The following DHRSX variants were observed in gnomAD, a reference collection of about 807,000 sequenced individuals.
The protein encoded by DHRSX is dehydrogenase/reductase X-linked.
In DHRSX, 31 loss-of-function variants were observed where a neutral mutation model predicts 34.0. The observed-to-expected ratio is 0.91, with a 90% CI of 0.69 to 1.23. DHRSX has a LOEUF of 1.23. Among genes scored for constraint, DHRSX ranks in the 50% most tolerant of loss-of-function variants. DHRSX has a pLI of 0.00. For missense variants in DHRSX, 414 were observed against 428.1 expected (o/e 0.97, Z 0.29); for synonymous variants, 201 against 183.8 (o/e 1.09, Z -0.76).
At chrX:2,438,540 T>G (rs1405528047) in intron 1 of DHRSX, among the ~76,000 whole-genome samples, 2 of 151,584 alleles carry the variant, frequency 1.3e-5, no homozygotes, top group Admixed American at 1.3e-4. Flanking sequence ...GCGAGATGGC[T>G]GGCGCCTGTA....
Position 2,393,980 on chromosome X carries a change from C to T in DHRSX, c.286+14765G>A, listed in dbSNP as rs778912346. ...AGGGACCATTCGGGGTTCAGGGACGCGTGTCCATGGTAGGATCCCTGGCAA... is the reference window on the plus strand; with the variant it reads ...AGGGACCATTCGGGGTTCAGGGACGTGTGTCCATGGTAGGATCCCTGGCAA... On this transcript the variant is annotated intron_variant, in intron 3 of 6. Transcript: ENST00000334651. 3.9e-5 allele frequency among the ~76,000 whole-genome samples: 6 copies of T among 152,348 alleles called. No individual in the cohort carries two copies. In the South Asian group the frequency reaches 1.0e-3, roughly 26 times the overall value.
In DHRSX at chrX:2,253,710, G is replaced by A. The variant is rs891072177; in HGVS notation, c.597-10480C>T. Among the ~76,000 whole-genome samples, 37 of 152,320 alleles carry A rather than the reference G, an allele frequency of 2.4e-4. 2 individuals are homozygous for A. Among genetic ancestry groups the A allele is most frequent in the Admixed American group, 1.4e-3 (21 of 15,300 alleles). ...GTATTTGAGTTCTCCATTTTTTGCT[G>A]ATTAAAGCATTACTCTCTTCTTGTT... On this transcript the variant is annotated intron_variant, in intron 5 of 6. Coordinates refer to ENST00000334651, the MANE Select transcript of DHRSX (RefSeq NM_145177.3).
chrX:2,252,946 G>C (rs1003632163), intron 5 of DHRSX, among the ~76,000 whole-genome samples: 5 of 151,688 alleles, frequency 3.3e-5, no homozygotes, highest in African/African-American at 1.2e-4. Flanking sequence ...GCACTTAGGG[G>C]ACACTAAGGC....
At chrX:2,268,052 A>G (rs1423550855) in intron 4 of DHRSX, among the ~76,000 whole-genome samples, 2 of 152,176 alleles carry the variant, frequency 1.3e-5, no homozygotes, top group African/African-American at 4.8e-5. Flanking sequence ...CAGTATAAAC[A>G]TGGCCTGTCC....
intron 2 of DHRSX, among the ~76,000 whole-genome samples, chrX:2,417,323 A>C (rs1047722032): frequency 2.6e-5 from 4 of 152,202 alleles, no homozygotes; most frequent in African/African-American, 9.6e-5. Context: ...GTGCCTACAA[A>C]GTCCTCAGTC....
intron 1 of DHRSX, among the ~76,000 whole-genome samples, chrX:2,481,692 A>C (rs1375604617): frequency 1.3e-5 from 2 of 151,992 alleles, no homozygotes; most frequent in Admixed American, 1.3e-4. Context: ...TCCACACTGC[A>C]GCATGGACCA....
intron 3 of DHRSX, among the ~76,000 whole-genome samples, chrX:2,340,730 A>G (rs753716519): frequency 6.6e-6 from 1 of 152,230 alleles, no homozygotes; most frequent in East Asian, 1.9e-4. Context: ...GATGCTTTCA[A>G]TGGTTCGTGT....
rs758096772 is a variant in DHRSX, at chrX:2,299,565, C to A, written c.287-7962G>T. Among the ~76,000 whole-genome samples, 4 of 152,096 alleles carry A rather than the reference C, an allele frequency of 2.6e-5. No homozygotes were observed. In the South Asian group the frequency reaches 8.3e-4, roughly 32 times the overall value. Reference sequence around the variant, plus strand: ...TAAACCCTGAGACTCAAGAAGATAACCTCATCTGGCCGGGTGTGGTGGCTC... The same window carrying A: ...TAAACCCTGAGACTCAAGAAGATAAACTCATCTGGCCGGGTGTGGTGGCTC... On this transcript the variant is annotated intron_variant, in intron 3 of 6. Transcript: ENST00000334651.
At chrX:2,402,887 T>C (rs1327630157) in intron 3 of DHRSX, among the ~76,000 whole-genome samples, 2 of 135,286 alleles carry the variant, frequency 1.5e-5, no homozygotes, top group Non-Finnish European at 3.1e-5. Flanking sequence ...TGGTTTCTTT[T>C]TTTTTTTTTT....
At chrX:2,356,640 C>G (rs1289247898) in intron 3 of DHRSX, among the ~76,000 whole-genome samples, 1 of 152,184 alleles carries the variant, frequency 6.6e-6, no homozygotes, top group Non-Finnish European at 1.5e-5. Flanking sequence ...TCTTCTGCCT[C>G]TGCCACCCCT....
chrX:2,225,307 C>T (rs1187024350), intron 6 of DHRSX, among the ~76,000 whole-genome samples: 1 of 147,676 alleles, frequency 6.8e-6, no homozygotes. Context: ...CACACATTCA[C>T]ATGCACACAT....
At chrX:2,445,819 G>A (rs1353436200) in intron 1 of DHRSX, among the ~76,000 whole-genome samples, 5 of 152,070 alleles carry the variant, frequency 3.3e-5, no homozygotes, top group Non-Finnish European at 5.9e-5. Context: ...ATGTGGCCAA[G>A]GGACTGCCAC....
At chrX:2,483,792 A>T (rs1478487876) in intron 1 of DHRSX, among the ~76,000 whole-genome samples, 1 of 67,492 alleles carries the variant, frequency 1.5e-5, no homozygotes, top group Non-Finnish European at 3.0e-5. Flanking sequence ...AAAGTGGCAA[A>T]AAAAAAAAAA....
intron 6 of DHRSX, among the ~76,000 whole-genome samples, chrX:2,240,802 C>T (rs2016123602): frequency 6.6e-6 from 1 of 152,154 alleles, no homozygotes; most frequent in African/African-American, 2.4e-5. Flanking sequence ...GTTTTGTAAA[C>T]AAATTATTAA....
intron 1 of DHRSX, among the ~76,000 whole-genome samples, chrX:2,448,419 TTAA>T (rs1168163450): frequency 6.6e-6 from 1 of 152,122 alleles, no homozygotes; most frequent in African/African-American, 2.4e-5. Flanking sequence ...GTGATCATAG[TTAA>T]TAATACATCG....
At chrX:2,474,423 C>T (rs765949978) in intron 1 of DHRSX, among the ~76,000 whole-genome samples, 3 of 150,668 alleles carry the variant, frequency 2.0e-5, no homozygotes, top group South Asian at 2.1e-4. Context: ...GCTAAGGGAC[C>T]GCCCCCATGT....
intron 3 of DHRSX, among the ~76,000 whole-genome samples, chrX:2,337,510 A>AG (rs1409834661): frequency 6.6e-6 from 1 of 152,092 alleles, no homozygotes. Context: ...TGAAGGAGAG[A>AG]GCTGAACTTC....
At chrX:2,399,413 A>T (rs1417088375) in intron 3 of DHRSX, among the ~76,000 whole-genome samples, 1 of 151,810 alleles carries the variant, frequency 6.6e-6, no homozygotes, top group East Asian at 1.9e-4. Flanking sequence ...GTTTAAAAAA[A>T]AAAAAAACAC....
chrX:2,242,199 A>C (rs2016156503), intron 6 of DHRSX, among the ~76,000 whole-genome samples: 1 of 151,938 alleles, frequency 6.6e-6, no homozygotes, highest in South Asian at 2.1e-4. Flanking sequence ...TTGTGCGTTG[A>C]TTTTTCAGCA....
Sources: gnomAD v4.1 joint callset for allele counts (sites outside exome capture counted in the v4.1 genomes callset) on GRCh38, gnomAD v4.1.1 for gene constraint, MANE v1.5 for transcripts, NCBI Gene and HGNC (gene_info 2026-07-23, HGNC 2026-07-21) for gene names.